ANKRD13A: variants seen among roughly 807,000 people sequenced by gnomAD.
ANKRD13A encodes the protein ankyrin repeat domain-containing protein 13A.
In ANKRD13A, 48 loss-of-function variants were observed where a neutral mutation model predicts 81.3. That is an observed-to-expected ratio of 0.59 (90% CI 0.47 to 0.75). The LOEUF (loss-of-function observed/expected upper bound fraction) is 0.75. Among genes scored for constraint, ANKRD13A ranks in the 30% least tolerant of loss-of-function variants. The pLI is 0.00. For missense variants in ANKRD13A, 612 were observed against 734.0 expected (o/e 0.83, Z 1.92); for synonymous variants, 230 against 270.1 (o/e 0.85, Z 1.45).
chr12:110,024,446 CAT>C (rs1891220294), intron 7 of ANKRD13A, among the ~76,000 whole-genome samples: 1 of 152,074 alleles, frequency 6.6e-6, no homozygotes, highest in Non-Finnish European at 1.5e-5. Context: ...TTAGACTTCA[CAT>C]GTGTTCAAAT....
intron 11 of ANKRD13A, among the ~76,000 whole-genome samples, chr12:110,030,405 G>A (rs1056761710): frequency 6.6e-6 from 1 of 152,098 alleles, no homozygotes; most frequent in Non-Finnish European, 1.5e-5. Flanking sequence ...GACCTCAGGT[G>A]ATCAGCTCGC....
At chr12:110,035,425 TG>T (rs1891976390) in intron 13 of ANKRD13A, among the ~76,000 whole-genome samples, 1 of 151,770 alleles carries the variant, frequency 6.6e-6, no homozygotes. Context: ...GGCAACATAG[TG>T]AGATCCTATA....
intron 13 of ANKRD13A, among the ~76,000 whole-genome samples, chr12:110,035,510 C>T (rs964332312): frequency 6.6e-6 from 1 of 151,736 alleles, no homozygotes; most frequent in Non-Finnish European, 1.5e-5. Context: ...AGTGCAGGGG[C>T]ACAATATTGG....
intron 6 of ANKRD13A, chr12:110,023,651 T>A (rs1360231115): frequency 5.8e-6 from 1 of 171,716 alleles, no homozygotes; most frequent in Non-Finnish European, 1.3e-5. Flanking sequence ...TTGACATGCA[T>A]GTCCCCAGTT....
intron 6 of ANKRD13A, 62 bp from the exon 7 acceptor site, chr12:110,023,984 C>A: frequency 6.7e-7 from 1 of 1,500,730 alleles, no homozygotes; most frequent in Non-Finnish European, 9.2e-7. Context: ...ATAAAGGCTA[C>A]AGATATAAAT....
intron 2 of ANKRD13A, among the ~76,000 whole-genome samples, chr12:110,012,906 G>A (rs748172741): frequency 2.0e-5 from 3 of 152,120 alleles, no homozygotes; most frequent in Admixed American, 6.6e-5. Context: ...AATAGGGGTC[G>A]GGAGAGGTGG....
intron 12 of ANKRD13A, among the ~76,000 whole-genome samples, chr12:110,031,060 T>C (rs1301661104): frequency 6.6e-6 from 1 of 151,832 alleles, no homozygotes; most frequent in African/African-American, 2.4e-5. Context: ...GAGCCGAGAT[T>C]GTACCATTGC....
Position 110,018,997 on chromosome 12 carries a change from C to G in ANKRD13A, c.545-142C>G. The G allele has an allele frequency of 2.5e-6, 2 of 793,846 alleles. No homozygotes were observed. Among genetic ancestry groups the G allele is most frequent in the East Asian group, 5.4e-5 (2 of 36,888 alleles). The allele number at this position is 793,846 out of a possible 1,614,324, so 49.2% of individuals were successfully genotyped here. A position where few individuals can be genotyped will look rare whatever the true frequency, so the allele number is the denominator to read the frequency against. Reference sequence around the variant, plus strand: ...GATAATCCCTGTGCAAATAGGTAGTCGATAATCAGTACACTGTAGGTTTTA... The same window carrying G: ...GATAATCCCTGTGCAAATAGGTAGTGGATAATCAGTACACTGTAGGTTTTA... On this transcript the variant is annotated intron_variant, in intron 5 of 14. Coordinates refer to ENST00000261739, the MANE Select transcript of ANKRD13A (RefSeq NM_033121.2). This position sits in a 1 kb window ranked among gnomAD's most constrained non-coding sequence, Gnocchi z 4.4.
At chr12:110,037,019 C>T (rs1285004482) in intron 14 of ANKRD13A, among the ~76,000 whole-genome samples, 1 of 152,168 alleles carries the variant, frequency 6.6e-6, no homozygotes, top group East Asian at 1.9e-4. Context: ...GGAACAGCTC[C>T]AGAGATTACG....
intron 3 of ANKRD13A, 108 bp from the exon 4 acceptor site, chr12:110,016,279 TC>T: frequency 4.8e-6 from 4 of 835,094 alleles, no homozygotes; most frequent in South Asian, 2.9e-5. Context: ...TCTTATTTTC[TC>T]TTTTTTTTTT....
rs113661835 is a variant in ANKRD13A, at chr12:110,036,749, CA to C, written c.1577+433del. On this transcript the variant is annotated intron_variant, in intron 14 of 14. Transcript: ENST00000261739. The surrounding 1 kb of genome is among the most constrained non-coding windows in gnomAD (Gnocchi z 4.6). Reference sequence around the variant, plus strand: ...TGGGCGATAGAGCGAGACTCCGTCTCAAAAAAAAAAAAGACTAAAGTGTTGG... The same window carrying C: ...TGGGCGATAGAGCGAGACTCCGTCTCAAAAAAAAAAAGACTAAAGTGTTGG... 6.9e-3 allele frequency among the ~76,000 whole-genome samples: 974 copies of C among 140,556 alleles called. 6 individuals carry two copies. The highest frequency in any genetic ancestry group is 0.019 in the African/African-American group (742 of 38,682). 92.2% of individuals were successfully genotyped at this position (140,556 alleles called of 152,430 possible).
rs199876238 is a variant in ANKRD13A at position 110,033,778 on chromosome 12, C to T, written c.1349-19C>T. 1.1e-5 allele frequency: 18 copies of T among 1,580,212 alleles called. No individual in the cohort carries two copies. The highest frequency in any genetic ancestry group is 5.4e-5 in the African/African-American group (4 of 73,818). The stretch of plus-strand genomic sequence containing the variant: ...AAATGTAATGAACTCAGACACTGGA[C>T]GGTTGCCTTTTGTTTCAGCTTCCCA... On this transcript the variant is annotated intron_variant, in intron 12 of 14. Transcript: ENST00000261739.
chr12:110,034,904 C>A (rs74654926), intron 13 of ANKRD13A, among the ~76,000 whole-genome samples: 1 of 152,210 alleles, frequency 6.6e-6, no homozygotes, highest in African/African-American at 2.4e-5. Flanking sequence ...GGAAGCAGCC[C>A]CTGCCCTCAC....
chr12:110,000,622 G>C (rs952690934), intron 1 of ANKRD13A, among the ~76,000 whole-genome samples: 1 of 152,148 alleles, frequency 6.6e-6, no homozygotes, highest in Non-Finnish European at 1.5e-5. Flanking sequence ...GGGTGCTTCT[G>C]GTAGTGGGTA....
intron 12 of ANKRD13A, 70 bp from the exon 13 acceptor site, chr12:110,033,724 TACA>T: frequency 2.9e-6 from 4 of 1,377,914 alleles, no homozygotes; most frequent in South Asian, 1.6e-5. Context: ...TTTTCTAATG[TACA>T]ACATTTTTGC....
Position 110,016,418 on chromosome 12 carries a change from G to C in ANKRD13A, c.385G>C (p.Glu129Gln). ...GGATTTCTATGTGCAGATGAAATGG[G>C]AATTCACCAGCTGGGGTGAGTGGCT... ...APDFYVQMKWEFTSWVPLVSR... is the reference protein window; with the variant it reads ...APDFYVQMKWQFTSWVPLVSR... Residue 129 changes from glutamate (E) to glutamine (Q), a missense_variant, in exon 4 of 15, where the codon GAA becomes CAA. Transcript: ENST00000261739. 1 of 1,593,702 alleles carries C rather than the reference G, an allele frequency of 6.3e-7. No individual in the cohort carries two copies.
In ANKRD13A at chr12:110,012,555, C is replaced by T. The variant is rs546241735; in HGVS notation, c.229+418C>T. On this transcript the variant is annotated intron_variant, in intron 2 of 14. Transcript: ENST00000261739. Reference sequence around the variant, plus strand: ...CCCTCGGTAGAGAATGACTCCTCATCCAGAAACAGCTCTCAGTGCAAACTT... The same window carrying T: ...CCCTCGGTAGAGAATGACTCCTCATTCAGAAACAGCTCTCAGTGCAAACTT... 3.9e-5 allele frequency among the ~76,000 whole-genome samples: 6 copies of T among 152,254 alleles called. No homozygotes were observed. In the East Asian group the frequency reaches 7.7e-4, roughly 20 times the overall value.
intron 1 of ANKRD13A, among the ~76,000 whole-genome samples, chr12:110,010,595 G>A (rs1890468501): frequency 6.6e-6 from 1 of 152,202 alleles, no homozygotes; most frequent in Non-Finnish European, 1.5e-5. Context: ...ATCATGGGAG[G>A]TGTGTGGACT....
At chr12:110,000,071 G>A (rs931169845) in intron 1 of ANKRD13A, among the ~76,000 whole-genome samples, 1 of 152,202 alleles carries the variant, frequency 6.6e-6, no homozygotes, top group African/African-American at 2.4e-5. Context: ...TACGTGCCTT[G>A]TGCGAGGCCG....
Sources: gnomAD v4.1 joint callset for allele counts (sites outside exome capture counted in the v4.1 genomes callset) on GRCh38, gnomAD v4.1.1 for gene constraint, Gnocchi (gnomAD v3.1) non-coding constraint, MANE v1.5 for transcripts, NCBI Gene and HGNC (gene_info 2026-07-23, HGNC 2026-07-21) for gene names.